The following MROH9 variants were observed in gnomAD, a reference collection of about 807,000 sequenced individuals.
The protein encoded by MROH9 is maestro heat-like repeat-containing protein family member 9.
Under a neutral mutation model 98.2 loss-of-function variants are expected in MROH9, and 92 were observed. The ratio of observed to expected loss-of-function variants is 0.94; its 90% confidence interval spans 0.79 to 1.11. The LOEUF is 1.11. Ranked by LOEUF, MROH9 falls within the 50% of genes most tolerant of loss-of-function variation. MROH9 has a pLI of 0.00. For missense variants in MROH9, 1,057 were observed against 1,014.8 expected, an observed-to-expected ratio of 1.04 and a Z score of -0.57; for synonymous variants, 397 against 368.9, an observed-to-expected ratio of 1.08 and a Z score of -0.87.
intron 11 of MROH9, 134 bp from the exon 12 acceptor site, chr1:170,992,030 G>T (rs1651374916): frequency 2.6e-6 from 2 of 766,758 alleles, no homozygotes; most frequent in Middle Eastern, 4.1e-4. Context: ...ATCTCAGTTT[G>T]CTTTGGACAT....
At chr1:171,028,143 T>G (rs1652789443) in intron 20 of MROH9, among the ~76,000 whole-genome samples, 2 of 152,236 alleles carry the variant, frequency 1.3e-5, no homozygotes, top group South Asian at 4.1e-4. Context: ...CTAGGTTTTC[T>G]TCTAGGGTTT....
chr1:170,962,964 C>T (rs1650075453), intron 6 of MROH9, among the ~76,000 whole-genome samples: 1 of 151,766 alleles, frequency 6.6e-6, no homozygotes, highest in Non-Finnish European at 1.5e-5. Flanking sequence ...CAAATGGGAC[C>T]AAAAGCAAAA....
intron 10 of MROH9, among the ~76,000 whole-genome samples, chr1:170,987,515 T>C (rs1453619390): frequency 2.0e-5 from 3 of 152,220 alleles, no homozygotes; most frequent in African/African-American, 7.2e-5. Flanking sequence ...CAATTCTTCA[T>C]GCTGGTTTTA....
chr1:170,983,605 C>A, intron 9 of MROH9, 71 bp downstream of exon 9: 1 of 899,842 alleles, frequency 1.1e-6, no homozygotes, highest in Non-Finnish European at 1.8e-6. Context: ...CAATTTATTT[C>A]AACAAAGTTT....
intron 15 of MROH9, chr1:170,998,617 T>C: frequency 7.9e-7 from 1 of 1,268,948 alleles, no homozygotes; most frequent in South Asian, 1.9e-5. Context: ...GTAGTTAACA[T>C]CTGGGATCTA....
At chr1:170,971,665 T>C in intron 7 of MROH9, 83 bp from the exon 8 acceptor site, 3 of 1,474,366 alleles carry the variant, frequency 2.0e-6, no homozygotes, top group Non-Finnish European at 2.8e-6. Flanking sequence ...CCTAGTCTGA[T>C]TTATAACAGG....
At chr1:170,991,507 C>A (rs1651353585) in intron 11 of MROH9, among the ~76,000 whole-genome samples, 1 of 152,046 alleles carries the variant, frequency 6.6e-6, no homozygotes, top group South Asian at 2.1e-4. Flanking sequence ...GGCAAGGTAT[C>A]AGAAATACAT....
intron 20 of MROH9, among the ~76,000 whole-genome samples, chr1:171,059,296 C>T (rs1653943687): frequency 6.6e-6 from 1 of 152,114 alleles, no homozygotes; most frequent in Non-Finnish European, 1.5e-5. Context: ...AAAAAAAGTG[C>T]AACATCACTG....
At chr1:170,987,171 G>C (rs914355624) in intron 10 of MROH9, among the ~76,000 whole-genome samples, 3 of 152,158 alleles carry the variant, frequency 2.0e-5, no homozygotes, top group African/African-American at 7.2e-5. Context: ...AATTTTTTGT[G>C]TGAAATATTT....
chr1:171,018,745 C>T (rs1652411312), intron 17 of MROH9, among the ~76,000 whole-genome samples: 2 of 152,160 alleles, frequency 1.3e-5, no homozygotes, highest in Non-Finnish European at 2.9e-5. Flanking sequence ...AGCACAAGAA[C>T]TTTATGAAGC....
intron 8 of MROH9, among the ~76,000 whole-genome samples, chr1:170,972,975 A>T (rs1347337038): frequency 2.6e-5 from 4 of 152,006 alleles, no homozygotes; most frequent in African/African-American, 9.7e-5. Flanking sequence ...CCTAGAGTAC[A>T]TTTCTAAGAG....
chr1:170,953,555 C>A (rs577645089), intron 3 of MROH9, among the ~76,000 whole-genome samples: 1 of 152,046 alleles, frequency 6.6e-6, no homozygotes, highest in Admixed American at 6.6e-5. Flanking sequence ...TCTTTTGTCC[C>A]ATTCTTATGT....
chr1:170,987,013 G>A (rs2101803462), intron 10 of MROH9, among the ~76,000 whole-genome samples: 1 of 151,570 alleles, frequency 6.6e-6, no homozygotes, highest in East Asian at 1.9e-4. Flanking sequence ...ACCACACCCG[G>A]CTAATTTTTT....
intron 3 of MROH9, among the ~76,000 whole-genome samples, chr1:170,952,955 T>C (rs1218550511): frequency 6.6e-6 from 1 of 152,002 alleles, no homozygotes; most frequent in African/African-American, 2.4e-5. Flanking sequence ...ACAAAATCTT[T>C]TGTAATCTAT....
intron 20 of MROH9, among the ~76,000 whole-genome samples, chr1:171,059,214 T>G (rs961879801): frequency 2.0e-5 from 3 of 150,836 alleles, no homozygotes; most frequent in Non-Finnish European, 3.0e-5. Context: ...GTGGGCAAAG[T>G]AACAAAAGTG....
chr1:171,039,003 C>T (rs941535037), intron 20 of MROH9, among the ~76,000 whole-genome samples: 3 of 152,132 alleles, frequency 2.0e-5, no homozygotes, highest in African/African-American at 7.2e-5. Flanking sequence ...ATGTAGCTGA[C>T]CATCAGCTTC....
At chr1:170,938,777 G>A (rs1231957643) in intron 1 of MROH9, among the ~76,000 whole-genome samples, 1 of 152,256 alleles carries the variant, frequency 6.6e-6, no homozygotes, top group African/African-American at 2.4e-5. Flanking sequence ...CCTCTTCTAT[G>A]ATGGACGCAG....
intron 20 of MROH9, among the ~76,000 whole-genome samples, chr1:171,055,385 G>C (rs1408843096): frequency 6.6e-6 from 1 of 152,100 alleles, no homozygotes; most frequent in Non-Finnish European, 1.5e-5. Flanking sequence ...CACTTTGGGA[G>C]GCCGTGGTGG....
At chr1:170,973,758 G>C (rs28608087) in intron 8 of MROH9, among the ~76,000 whole-genome samples, 51,181 of 151,810 alleles carry the variant, frequency 0.34, 8,740 homozygotes, top group Middle Eastern at 0.47. Flanking sequence ...GCCTGTAATC[G>C]CAGCTACTCA....
Sources: allele counts gnomAD v4.1 joint callset (sites outside exome capture counted in the v4.1 genomes callset), GRCh38; gene constraint gnomAD v4.1.1; transcripts MANE v1.5; gene names NCBI Gene and HGNC (gene_info 2026-07-23, HGNC 2026-07-21).